The following AKAP13 variants were observed in gnomAD, a reference collection of about 807,000 sequenced individuals.
AKAP13 encodes the protein A-kinase anchor protein 13.
Under a neutral mutation model 264.5 loss-of-function variants are expected in AKAP13, and 80 were observed. That is an observed-to-expected ratio of 0.30 (90% CI 0.25 to 0.36). The LOEUF (loss-of-function observed/expected upper bound fraction) is 0.36. Ranked by LOEUF, AKAP13 falls within the 10% of genes least tolerant of loss-of-function variation. The probability of loss-of-function intolerance (pLI) is 1.00; values close to 1 mark genes in which losing one functional copy is unlikely to be tolerated. For synonymous variants in AKAP13, 1,380 were observed against 1,250.2 expected (o/e 1.10, Z -2.19); for missense variants, 3,712 against 3,435.2 (o/e 1.08, Z -2.01).
chr15:85,601,041 C>T (rs576783363), intron 8 of AKAP13, among the ~76,000 whole-genome samples: 1 of 152,330 alleles, frequency 6.6e-6, no homozygotes, highest in East Asian at 1.9e-4. Flanking sequence ...ATGTACTTGG[C>T]TGACTTCTTA....
chr15:85,628,577 G>A (rs754779837), intron 8 of AKAP13, among the ~76,000 whole-genome samples: 1 of 152,184 alleles, frequency 6.6e-6, no homozygotes, highest in Non-Finnish European at 1.5e-5. Context: ...CTTAGAGACA[G>A]TGAGCCTCCT....
chr15:85,646,611 T>A (rs2082571614), intron 10 of AKAP13, among the ~76,000 whole-genome samples: 1 of 152,222 alleles, frequency 6.6e-6, no homozygotes, highest in Admixed American at 6.5e-5. Context: ...CAGCTCAGAC[T>A]ATATGATGTC....
At chr15:85,659,383 AC>A (rs1446177668) in intron 12 of AKAP13, among the ~76,000 whole-genome samples, 1 of 152,144 alleles carries the variant, frequency 6.6e-6, no homozygotes, top group East Asian at 1.9e-4. Context: ...TATTAGCTGA[AC>A]CTGTTTGTTG....
intron 3 of AKAP13, among the ~76,000 whole-genome samples, chr15:85,525,270 G>A (rs1354430197): frequency 2.0e-5 from 3 of 152,016 alleles, no homozygotes; most frequent in Admixed American, 2.0e-4. Flanking sequence ...GTGTTAGCCA[G>A]GATGGTCTCG....
chr15:85,659,131 C>T (rs1423305215), intron 12 of AKAP13, among the ~76,000 whole-genome samples: 1 of 152,190 alleles, frequency 6.6e-6, no homozygotes, highest in Non-Finnish European at 1.5e-5. Context: ...AAGTTCATTC[C>T]TTGGCCTTTG....
intron 1 of AKAP13, among the ~76,000 whole-genome samples, chr15:85,399,516 A>AAT (rs1567038591): frequency 2.2e-5 from 3 of 135,274 alleles, no homozygotes; most frequent in Non-Finnish European, 4.8e-5. Context: ...AAAAAAAAAA[A>AAT]AAAAAATAAA....
chr15:85,586,489 T>G (rs1209511675), intron 8 of AKAP13, among the ~76,000 whole-genome samples: 1 of 152,036 alleles, frequency 6.6e-6, no homozygotes, highest in East Asian at 1.9e-4. Context: ...CAGATGTGAG[T>G]CATGGCACTC....
At chr15:85,525,607 A>G (rs535805115) in intron 3 of AKAP13, among the ~76,000 whole-genome samples, 228 of 152,366 alleles carry the variant, frequency 1.5e-3, no homozygotes, top group African/African-American at 5.1e-3. Context: ...ACTTCTAGTA[A>G]TGAAAGATCT....
intron 8 of AKAP13, chr15:85,627,538 A>T (rs1000319385): frequency 1.3e-5 from 2 of 152,188 alleles, no homozygotes; most frequent in African/African-American, 4.8e-5. Flanking sequence ...GTTATTGGCC[A>T]AGTATAGTAC....
chr15:85,716,404 A>G (rs1354978242), intron 20 of AKAP13, among the ~76,000 whole-genome samples: 4 of 152,072 alleles, frequency 2.6e-5, no homozygotes, highest in Non-Finnish European at 5.9e-5. Flanking sequence ...AATTATTACT[A>G]TTAGGTTCTC....
At chr15:85,670,400 C>G (rs2083860424) in intron 14 of AKAP13, among the ~76,000 whole-genome samples, 1 of 151,480 alleles carries the variant, frequency 6.6e-6, no homozygotes. Flanking sequence ...TCTCTGGCTA[C>G]TGAGTGCTAG....
chr15:85,670,222 G>A (rs1033137105), intron 14 of AKAP13, among the ~76,000 whole-genome samples: 40 of 151,906 alleles, frequency 2.6e-4, no homozygotes, highest in African/African-American at 8.7e-4. Context: ...TACTTGTTTC[G>A]CCAGCCTCTC....
intron 1 of AKAP13, among the ~76,000 whole-genome samples, chr15:85,435,276 A>G (rs2073225506): frequency 6.9e-6 from 1 of 145,776 alleles, no homozygotes; most frequent in South Asian, 2.2e-4. Flanking sequence ...AAAAAGAATA[A>G]AAAGAAATGA....
intron 23 of AKAP13, among the ~76,000 whole-genome samples, chr15:85,720,323 A>G (rs559756385): frequency 1.5e-4 from 23 of 152,152 alleles, no homozygotes; most frequent in African/African-American, 5.5e-4. Context: ...TCTGCCTCAA[A>G]TCAGAAGGAT....
At position 85,693,272 on chromosome 15, in the gene AKAP13, G is replaced by A. The variant is rs138764130; in HGVS notation, c.5290-5G>A. Reference sequence around the variant, plus strand: ...AACTGTGGATTATTTTCTTTTCTTCGGCAGGAAAAGGAAAAAGAAAAAGAT... The same window carrying A: ...AACTGTGGATTATTTTCTTTTCTTCAGCAGGAAAAGGAAAAAGAAAAAGAT... On this transcript the variant is annotated splice_region_variant and splice_polypyrimidine_tract_variant and intron_variant, in intron 16 of 36. Coordinates refer to ENST00000394518, the MANE Select transcript of AKAP13 (RefSeq NM_007200.5). 2.4e-5 allele frequency: 38 copies of A among 1,587,636 alleles called. 1 individual carries two copies. The African/African-American group carries it at 2.6e-4, about 11-fold the overall frequency.
At chr15:85,551,317 T>G (rs189332427) in intron 5 of AKAP13, among the ~76,000 whole-genome samples, 6 of 152,374 alleles carry the variant, frequency 3.9e-5, no homozygotes, top group Admixed American at 2.6e-4. Flanking sequence ...ATTGTACTTA[T>G]AGAGCAATTT....
chr15:85,703,613 G>A (rs183288922), intron 17 of AKAP13, among the ~76,000 whole-genome samples: 7 of 152,266 alleles, frequency 4.6e-5, no homozygotes, highest in African/African-American at 7.2e-5. Context: ...AGGCTGAGGC[G>A]GGTGGATCAC....
At chr15:85,744,364 G>A (rs1257069135) in intron 36 of AKAP13, 3 of 450,638 alleles carry the variant, frequency 6.7e-6, no homozygotes, top group Non-Finnish European at 8.0e-6. Flanking sequence ...CTGTGTGGGA[G>A]GTTAAAGAAA....
rs2079144729 is a variant in AKAP13, at chr15:85,581,713, C to A, written c.3645C>A (p.Val1215=). The A allele has an allele frequency of 6.2e-7, 1 of 1,614,118 alleles. No homozygotes were observed. The highest frequency in any genetic ancestry group is 8.5e-7 in the Non-Finnish European group (1 of 1,180,016). ...GGGCCCCAGCTGGTGTGAGGGAAGT[C>A]ATGCGAGCCCCGCCTTCAGGCAGGG... ...DDGAPAGVRE[V]MRAPPSGRER... The change falls in exon 7 of 37, where the codon GTC becomes GTA. Residue 1215 remains valine, a synonymous_variant. Coordinates refer to ENST00000394518, the MANE Select transcript of AKAP13 (RefSeq NM_007200.5).
Sources: allele counts gnomAD v4.1 joint callset (sites outside exome capture counted in the v4.1 genomes callset), GRCh38; gene constraint gnomAD v4.1.1; transcripts MANE v1.5; gene names NCBI Gene and HGNC (gene_info 2026-07-23, HGNC 2026-07-21).